Variants in NSUN6 observed in about 807,000 individuals in gnomAD.
The protein encoded by NSUN6 is NOP2/Sun RNA methyltransferase 6, also known as tRNA (cytosine(72)-C(5))-methyltransferase NSUN6.
A neutral mutation model predicts 58.0 loss-of-function variants in NSUN6; 64 were observed. The ratio of observed to expected loss-of-function variants is 1.10; its 90% CI spans 0.90 to 1.36. The LOEUF is 1.36. Ranked by LOEUF, NSUN6 falls within the 40% of genes most tolerant of loss-of-function variation. The pLI is 0.00. For missense variants in NSUN6, 701 were observed against 550.1 expected, an observed-to-expected ratio of 1.27 and a Z score of -2.74; for synonymous variants, 231 against 193.9, an observed-to-expected ratio of 1.19 and a Z score of -1.59.
chr10:18,599,131 G>C (rs886920214), intron 6 of NSUN6, among the ~76,000 whole-genome samples: 1 of 152,090 alleles, frequency 6.6e-6, no homozygotes, highest in South Asian at 2.1e-4. Context: ...TTGAACTCTT[G>C]GGCTCAAGAA....
chr10:18,560,828 A>G (rs1358734167), intron 8 of NSUN6, among the ~76,000 whole-genome samples: 1 of 151,150 alleles, frequency 6.6e-6, no homozygotes, highest in African/African-American at 2.4e-5. Flanking sequence ...AACGGAATGG[A>G]GAATGGAAGA....
rs974555030 is a variant in NSUN6, at chr10:18,546,239, C to T, written c.1198-94G>A. 6.0e-5 allele frequency: 52 copies of T among 871,356 alleles called. No homozygotes were observed. In the Admixed American group the frequency reaches 8.0e-4, roughly 13 times the overall value. The allele number at this position is 871,356 out of a possible 1,614,324, so 54.0% of individuals were successfully genotyped here. ...AGTTAAAAGACAAATTGGGCTGTAA[C>T]GACTACATCTTCCAAAAATAGAAAA... On this transcript the variant is annotated intron_variant, in intron 10 of 10. Coordinates refer to ENST00000377304, the MANE Select transcript of NSUN6 (RefSeq NM_182543.5).
chr10:18,607,598 T>C (rs910463968), intron 6 of NSUN6, among the ~76,000 whole-genome samples: 1 of 152,228 alleles, frequency 6.6e-6, no homozygotes, highest in Non-Finnish European at 1.5e-5. Flanking sequence ...ATGTAATATA[T>C]GAATTGCTTA....
intron 3 of NSUN6, among the ~76,000 whole-genome samples, chr10:18,619,806 C>T (rs1300427723): frequency 6.6e-6 from 1 of 152,130 alleles, no homozygotes; most frequent in African/African-American, 2.4e-5. Flanking sequence ...AAGAAACACA[C>T]TTGATAAAAG....
At chr10:18,556,117 T>C (rs139218973) in intron 8 of NSUN6, among the ~76,000 whole-genome samples, 32 of 145,334 alleles carry the variant, frequency 2.2e-4, no homozygotes, top group African/African-American at 5.8e-4. Flanking sequence ...TAGAATGCAA[T>C]TGAATGGGAT....
At chr10:18,590,849 A>C (rs1168940091) in intron 7 of NSUN6, among the ~76,000 whole-genome samples, 1 of 152,206 alleles carries the variant, frequency 6.6e-6, no homozygotes, top group Non-Finnish European at 1.5e-5. Flanking sequence ...TAAAAGAACT[A>C]GAGAAGAAAG....
intron 3 of NSUN6, among the ~76,000 whole-genome samples, chr10:18,625,606 C>T (rs1446183967): frequency 2.0e-5 from 3 of 150,232 alleles, no homozygotes; most frequent in South Asian, 2.1e-4. Flanking sequence ...CCAGCTACTC[C>T]GGAGGGTGAG....
intron 6 of NSUN6, among the ~76,000 whole-genome samples, chr10:18,600,147 T>C (rs2057747562): frequency 6.6e-6 from 1 of 152,106 alleles, no homozygotes; most frequent in African/African-American, 2.4e-5. Context: ...GCTTTTGTAT[T>C]GGCTGTTGGA....
chr10:18,579,185 T>C (rs535525374), intron 8 of NSUN6, among the ~76,000 whole-genome samples: 26 of 152,338 alleles, frequency 1.7e-4, no homozygotes, highest in Admixed American at 1.4e-3. Flanking sequence ...TTACTATTTT[T>C]TTTTTGAGAC....
intron 6 of NSUN6, among the ~76,000 whole-genome samples, chr10:18,603,135 A>C (rs1258614304): frequency 6.6e-6 from 1 of 152,156 alleles, no homozygotes; most frequent in Non-Finnish European, 1.5e-5. Flanking sequence ...TCTACTAAAA[A>C]TATGAAAATT....
intron 6 of NSUN6, among the ~76,000 whole-genome samples, chr10:18,599,198 T>G (rs2057712375): frequency 6.6e-6 from 1 of 152,162 alleles, no homozygotes; most frequent in Non-Finnish European, 1.5e-5. Context: ...CCACCACACC[T>G]GGCTAATCTT....
chr10:18,546,954 A>AAAAAGAC (rs1176040012), intron 10 of NSUN6, among the ~76,000 whole-genome samples: 1 of 151,224 alleles, frequency 6.6e-6, no homozygotes, highest in East Asian at 1.9e-4. Context: ...AAGAAAAAGA[A>AAAAAGAC]AAAAGAAAAA....
At chr10:18,548,050 C>G in intron 10 of NSUN6, 62 bp downstream of exon 10, 12 of 1,523,012 alleles carry the variant, frequency 7.9e-6, no homozygotes, top group Non-Finnish European at 9.0e-6. Flanking sequence ...ACCCTGATTA[C>G]CACAGTGCTT....
At chr10:18,594,692 A>G (rs1589994731) in intron 7 of NSUN6, among the ~76,000 whole-genome samples, 1 of 152,192 alleles carries the variant, frequency 6.6e-6, no homozygotes, top group Non-Finnish European at 1.5e-5. Flanking sequence ...CTCGTGATCC[A>G]ATTGTGGCTC....
chr10:18,577,849 C>T (rs932007903), intron 8 of NSUN6, among the ~76,000 whole-genome samples: 2 of 152,178 alleles, frequency 1.3e-5, no homozygotes, highest in South Asian at 4.1e-4. Flanking sequence ...CTCACCCTGT[C>T]ATTCTCTTTA....
chr10:18,630,911 G>T (rs2131477967), intron 3 of NSUN6, among the ~76,000 whole-genome samples: 1 of 152,040 alleles, frequency 6.6e-6, no homozygotes, highest in South Asian at 2.1e-4. Context: ...TATGAGGCCA[G>T]CATCATCCTG....
chr10:18,575,849 T>C (rs769798036), intron 8 of NSUN6, among the ~76,000 whole-genome samples: 3 of 152,220 alleles, frequency 2.0e-5, no homozygotes, highest in Non-Finnish European at 4.4e-5. Flanking sequence ...ATACTTGGTC[T>C]ATTTTCTACT....
chr10:18,570,238 CATTCCATTCCATTCAATTCTCG>C (rs1468117437), intron 8 of NSUN6, among the ~76,000 whole-genome samples: 1 of 150,686 alleles, frequency 6.6e-6, no homozygotes, highest in Admixed American at 6.6e-5. Flanking sequence ...TTCTATTCTC[CATTCCATTCCATTCAATTCTCG>C]ATTCCATTCC....
At chr10:18,558,507 AAG>A (rs2055223981) in intron 8 of NSUN6, among the ~76,000 whole-genome samples, 2 of 149,152 alleles carry the variant, frequency 1.3e-5, no homozygotes, top group Admixed American at 1.4e-4. Context: ...GGAATGGAGA[AAG>A]GAATAGAATA....
Sources: allele counts gnomAD v4.1 joint callset (sites outside exome capture counted in the v4.1 genomes callset), GRCh38; gene constraint gnomAD v4.1.1; transcripts MANE v1.5; gene names NCBI Gene and HGNC (gene_info 2026-07-23, HGNC 2026-07-21).